SPMAP2L: variants seen among roughly 807,000 people sequenced by gnomAD.
SPMAP2L encodes sperm microtubule associated protein 2-like.
chr4:56,558,985 G>A, the SPMAP2L span, among the ~76,000 whole-genome samples: 1 of 152,076 alleles, frequency 6.6e-6, no homozygotes, highest in African/African-American at 2.4e-5. Flanking sequence ...CCAGGCTGGA[G>A]TGGAGTGGTG....
chr4:56,536,770 T>C, the SPMAP2L span, among the ~76,000 whole-genome samples: 1 of 152,144 alleles, frequency 6.6e-6, no homozygotes, highest in East Asian at 1.9e-4. Context: ...TTATTATTAT[T>C]ATTACTATTT....
At chr4:56,575,373 A>G in the SPMAP2L span, 1 of 1,079,300 alleles carries the variant, frequency 9.3e-7, no homozygotes, top group Non-Finnish European at 1.3e-6. Context: ...TTCTCCTCAC[A>G]TGGAAAATAG....
the SPMAP2L span, among the ~76,000 whole-genome samples, chr4:56,607,314 A>T: frequency 8.8e-4 from 134 of 152,308 alleles, no homozygotes; most frequent in African/African-American, 3.0e-3. Flanking sequence ...TTGGAAGCAA[A>T]GAACAAGCCC....
At chr4:56,603,186 G>T in the SPMAP2L span, 1 of 1,475,048 alleles carries the variant, frequency 6.8e-7, no homozygotes, top group South Asian at 1.3e-5. Flanking sequence ...ATTTCAGGTT[G>T]ATTTCTTTTT....
At chr4:56,611,776 C>A in the SPMAP2L span, among the ~76,000 whole-genome samples, 1 of 152,218 alleles carries the variant, frequency 6.6e-6, no homozygotes, top group South Asian at 2.1e-4. Context: ...TTTTTGCCCC[C>A]ACTTCTAACT....
chr4:56,538,733 G>A, the SPMAP2L span, among the ~76,000 whole-genome samples: 2 of 152,166 alleles, frequency 1.3e-5, no homozygotes, highest in Admixed American at 1.3e-4. Flanking sequence ...AATCCGGGAG[G>A]TGGAGGTTGC....
chr4:56,554,109 C>T, the SPMAP2L span, among the ~76,000 whole-genome samples: 6 of 151,994 alleles, frequency 3.9e-5, no homozygotes, highest in Non-Finnish European at 7.4e-5. Context: ...TATTTAAGGG[C>T]ATCATGGTTG....
At chr4:56,622,893 A>G in the SPMAP2L span, among the ~76,000 whole-genome samples, 1 of 152,160 alleles carries the variant, frequency 6.6e-6, no homozygotes, top group Non-Finnish European at 1.5e-5. Context: ...CGGCTGGTGG[A>G]AAAACAGTCT....
chr4:56,620,625 T>C, the SPMAP2L span, among the ~76,000 whole-genome samples: 2 of 152,224 alleles, frequency 1.3e-5, no homozygotes, highest in South Asian at 4.1e-4. Flanking sequence ...CCTCAGGTGA[T>C]CTGCCCGCCT....
At chr4:56,571,342 G>C in the SPMAP2L span, among the ~76,000 whole-genome samples, 1 of 141,464 alleles carries the variant, frequency 7.1e-6, no homozygotes, top group Non-Finnish European at 1.5e-5. Context: ...TTTTTTCAGA[G>C]GTCTTGCTCT....
the SPMAP2L span, among the ~76,000 whole-genome samples, chr4:56,589,778 T>G: frequency 1.3e-5 from 2 of 152,022 alleles, no homozygotes; most frequent in Non-Finnish European, 2.9e-5. Context: ...TTTTTGCAGC[T>G]ATTGTAAAAA....
the SPMAP2L span, among the ~76,000 whole-genome samples, chr4:56,574,165 A>G: frequency 6.6e-6 from 1 of 152,122 alleles, no homozygotes; most frequent in Non-Finnish European, 1.5e-5. Context: ...CATGCCTGTA[A>G]TCCCAGCACT....
the SPMAP2L span, chr4:56,593,231 G>A: frequency 1.6e-5 from 21 of 1,307,578 alleles, no homozygotes; most frequent in South Asian, 3.5e-5. Flanking sequence ...CCTGGACATG[G>A]CCAGTGCATC....
the SPMAP2L span, chr4:56,603,283 C>T: frequency 6.2e-4 from 956 of 1,534,574 alleles, 5 homozygotes; most frequent in African/African-American, 0.012. Context: ...GCACAGTGTT[C>T]TCAAAGGATC....
chr4:56,552,686 C>A, the SPMAP2L span: 1 of 824,572 alleles, frequency 1.2e-6, no homozygotes, highest in South Asian at 1.5e-5. Context: ...TATTATTTAT[C>A]CATCCACCTC....
At chr4:56,595,257 G>T in the SPMAP2L span, 3 of 1,612,246 alleles carry the variant, frequency 1.9e-6, no homozygotes, top group East Asian at 6.7e-5. Context: ...TTTTGGACAC[G>T]AGACCCTTCA....
the SPMAP2L span, chr4:56,584,700 C>A: frequency 1.1e-6 from 1 of 905,044 alleles, no homozygotes; most frequent in Non-Finnish European, 1.7e-6. Flanking sequence ...TCCTTTCTTC[C>A]TGTTTATTTT....
At chr4:56,594,348 G>T in the SPMAP2L span, 1 of 1,532,612 alleles carries the variant, frequency 6.5e-7, no homozygotes, top group Non-Finnish European at 9.0e-7. Context: ...AAACTGAACA[G>T]TTCGTCTGAA....
At chr4:56,550,908 A>G in the SPMAP2L span, among the ~76,000 whole-genome samples, 1 of 151,934 alleles carries the variant, frequency 6.6e-6, no homozygotes, top group South Asian at 2.1e-4. Flanking sequence ...AGCTGTGATC[A>G]TGCCATTGCA....
Sources: allele counts gnomAD v4.1 joint callset (sites outside exome capture counted in the v4.1 genomes callset), GRCh38; gene constraint gnomAD v4.1.1; transcripts MANE v1.5; gene names NCBI Gene and HGNC (gene_info 2026-07-23, HGNC 2026-07-21).